The following TRIM69 variants were observed in gnomAD, a reference collection of about 807,000 sequenced individuals.
TRIM69 encodes E3 ubiquitin-protein ligase TRIM69.
TRIM69 carries 29 observed loss-of-function variants against 37.7 expected under a neutral mutation model. The ratio of observed to expected loss-of-function variants is 0.77; its 90% CI spans 0.57 to 1.05. The LOEUF (loss-of-function observed/expected upper bound fraction) is 1.05, where lower values mean the gene tolerates loss of function less well. Among genes scored for constraint, TRIM69 ranks in the 50% least tolerant of loss-of-function variants. The pLI is 0.00. For missense variants in TRIM69, 596 were observed against 579.9 expected (o/e 1.03, Z -0.28); for synonymous variants, 209 against 212.4 (o/e 0.98, Z 0.14).
At chr15:44,742,558 T>A (rs1460787993) in intron 1 of TRIM69, among the ~76,000 whole-genome samples, 6 of 37,508 alleles carry the variant, frequency 1.6e-4, no homozygotes, top group Non-Finnish European at 5.1e-4. Context: ...TGATTGTATA[T>A]CTAGAAAACC....
At chr15:44,764,458 T>A (rs1263095784) in intron 6 of TRIM69, among the ~76,000 whole-genome samples, 1 of 152,236 alleles carries the variant, frequency 6.6e-6, no homozygotes, top group African/African-American at 2.4e-5. Flanking sequence ...ATTCTCCTTT[T>A]CTGCCAGCCT....
intron 6 of TRIM69, among the ~76,000 whole-genome samples, chr15:44,761,209 C>A (rs577658283): frequency 6.6e-6 from 1 of 152,140 alleles, no homozygotes; most frequent in African/African-American, 2.4e-5. Context: ...TGAGCCACTG[C>A]GCCAGGCCGC....
intron 1 of TRIM69, among the ~76,000 whole-genome samples, chr15:44,737,133 G>C (rs1213632981): frequency 6.6e-6 from 1 of 152,072 alleles, no homozygotes; most frequent in Admixed American, 6.5e-5. Flanking sequence ...GACCTCTTCA[G>C]AGCTAAAATA....
intron 1 of TRIM69, among the ~76,000 whole-genome samples, chr15:44,746,903 C>G (rs1181752990): frequency 6.6e-6 from 1 of 152,064 alleles, no homozygotes; most frequent in Non-Finnish European, 1.5e-5. Flanking sequence ...AAGTCAAAAA[C>G]CACAAGGAGA....
At chr15:44,753,294 A>T (rs1157021163) in intron 1 of TRIM69, 1 of 152,078 alleles carries the variant, frequency 6.6e-6, no homozygotes, top group African/African-American at 2.4e-5. Context: ...CTTTATTTTT[A>T]AAAAATTTTA....
Position 44,758,798 on chromosome 15 carries a change from A to G in TRIM69, c.757A>G (p.Met253Val). Residue 253 changes from methionine (M) to valine (V), a missense_variant, in exon 4 of 7, where the codon ATG becomes GTG. Transcript: ENST00000329464. ...LQEQCLLAKD[M>V]LVSIQAKTEQ... ...GGAGCAATGTCTCTTAGCCAAGGATATGTTGGTGAGCATTCAGGCAAAGAC... is the reference window on the plus strand; with the variant it reads ...GGAGCAATGTCTCTTAGCCAAGGATGTGTTGGTGAGCATTCAGGCAAAGAC... The G allele has an allele frequency of 6.2e-7, 1 of 1,614,128 alleles. No individual in the cohort carries two copies. Among genetic ancestry groups the G allele is most frequent in the Non-Finnish European group, 8.5e-7 (1 of 1,180,000 alleles).
intron 1 of TRIM69, chr15:44,753,448 T>C (rs1227151942): frequency 6.6e-6 from 1 of 152,206 alleles, no homozygotes; most frequent in Non-Finnish European, 1.5e-5. Context: ...ACAGTTTTTT[T>C]CTTTCGGCAG....
At chr15:44,756,726 C>T (rs928076272) in intron 3 of TRIM69, 8 of 323,770 alleles carry the variant, frequency 2.5e-5, no homozygotes, top group East Asian at 2.4e-4. Context: ...ACTGTCGTGG[C>T]GTTGAAATGT....
At chr15:44,758,588 A>C in intron 3 of TRIM69, 33 bp from the exon 4 acceptor site, 3 of 1,612,226 alleles carry the variant, frequency 1.9e-6, no homozygotes, top group South Asian at 1.1e-5. Flanking sequence ...TAGTCTCTGC[A>C]ATAACCATGG....
intron 1 of TRIM69, among the ~76,000 whole-genome samples, chr15:44,737,274 C>A (rs1420257752): frequency 6.6e-6 from 1 of 152,152 alleles, no homozygotes; most frequent in Non-Finnish European, 1.5e-5. Context: ...GAGTTATCAT[C>A]CATTTCCACT....
chr15:44,736,783 G>T (rs773277125), intron 1 of TRIM69, 73 bp downstream of exon 1: 115 of 1,567,600 alleles, frequency 7.3e-5, no homozygotes, highest in Non-Finnish European at 9.5e-5. Context: ...CATAGAAGAG[G>T]ATATGGATTT....
intron 6 of TRIM69, among the ~76,000 whole-genome samples, chr15:44,762,744 C>A (rs1335746225): frequency 6.6e-6 from 1 of 151,922 alleles, no homozygotes; most frequent in Non-Finnish European, 1.5e-5. Context: ...ATGTTCATGC[C>A]TTCCTCTACA....
In TRIM69 at chr15:44,739,592, C is replaced by T. The variant is rs111984696; in HGVS notation, c.6+2882C>T. ...AGGAGATTATATCCTGCACCTGGCT[C>T]GGAGGGCCCTACGCCCATGGAGTCT... On this transcript the variant is annotated intron_variant, in intron 1 of 6. Transcript: ENST00000329464. 5.0e-3 allele frequency among the ~76,000 whole-genome samples: 762 copies of T among 152,324 alleles called. 11 individuals are homozygous for T. Among genetic ancestry groups the T allele is most frequent in the African/African-American group, 0.017 (703 of 41,570 alleles).
chr15:44,736,618 G>T lies in TRIM69; in HGVS notation c.-87G>T. The T allele has an allele frequency of 6.5e-7, 1 of 1,533,944 alleles. No homozygotes were observed. The highest frequency in any genetic ancestry group is 1.2e-5 in the South Asian group (1 of 84,414). On this transcript the variant is annotated 5_prime_UTR_variant, in exon 1 of 7. Transcript: ENST00000329464. Reference sequence around the variant, plus strand: ...GAGCCCATTCCTTGAAAACTAAAAGGTCCCTGACTCCCAGTCTGCAGCCAT... The same window carrying T: ...GAGCCCATTCCTTGAAAACTAAAAGTTCCCTGACTCCCAGTCTGCAGCCAT...
At chr15:44,762,185 C>T (rs2087790215) in intron 6 of TRIM69, among the ~76,000 whole-genome samples, 1 of 152,132 alleles carries the variant, frequency 6.6e-6, no homozygotes. Context: ...CCAGGATGGT[C>T]TCGATCACCT....
intron 1 of TRIM69, 25 bp from the exon 2 acceptor site, chr15:44,754,875 T>A: frequency 6.5e-7 from 1 of 1,527,498 alleles, no homozygotes; most frequent in Non-Finnish European, 9.0e-7. Context: ...AAAGATAAAC[T>A]CATTTTAGCT....
rs904721509 is a variant in TRIM69, at chr15:44,751,908, A to AT, written c.7-2980dup. Among the ~76,000 whole-genome samples the AT allele has an allele frequency of 2.6e-3, 367 of 143,602 alleles. 1 individual carries two copies. Among genetic ancestry groups the AT allele is most frequent in the South Asian group, 3.7e-3 (17 of 4,538 alleles). 94.2% of individuals were successfully genotyped at this position (143,602 alleles called of 152,430 possible). On this transcript the variant is annotated intron_variant, in intron 1 of 6. Coordinates refer to ENST00000329464, the MANE Select transcript of TRIM69 (RefSeq NM_182985.5). ...CCACGGACATGTTCCATTATGGCCA[A>AT]TTTTTTTTTTTTCTTTTTGTATTTT... is the stretch of plus-strand genomic sequence containing the variant.
In TRIM69 at chr15:44,756,454, T is replaced by C; in HGVS notation, c.570T>C (p.Ala190=). Residue 190 remains alanine, a synonymous_variant, in exon 3 of 7, where the codon GCT becomes GCC. Coordinates refer to ENST00000329464, the MANE Select transcript of TRIM69 (RefSeq NM_182985.5). ...TLRNMQKEAI[A]AHKENKLHLQ... ...GGAACATGCAGAAGGAAGCTATTGC[T>C]GCTCACAAGGTGAGGAGCAAGAAAG... 6.4e-7 allele frequency: 1 copy of C among 1,550,656 alleles called. No homozygotes were observed. The highest frequency in any genetic ancestry group is 8.7e-7 in the Non-Finnish European group (1 of 1,146,240).
At chr15:44,764,113 C>T (rs1475798086) in intron 6 of TRIM69, among the ~76,000 whole-genome samples, 1 of 152,156 alleles carries the variant, frequency 6.6e-6, no homozygotes, top group African/African-American at 2.4e-5. Context: ...TGTGAAGTTC[C>T]CTCCTCTGTG....
Sources: allele counts gnomAD v4.1 joint callset (sites outside exome capture counted in the v4.1 genomes callset), GRCh38; gene constraint gnomAD v4.1.1; transcripts MANE v1.5; gene names NCBI Gene and HGNC (gene_info 2026-07-23, HGNC 2026-07-21).